The following ZNF888 variants were observed in gnomAD, a reference collection of about 807,000 sequenced individuals.
The protein encoded by ZNF888 is zinc finger protein 888.
A neutral mutation model predicts 7.2 loss-of-function variants in ZNF888; 5 were observed. The observed-to-expected ratio is 0.70, with a 90% CI of 0.36 to 1.46. The LOEUF (loss-of-function observed/expected upper bound fraction) is 1.46, where lower values mean the gene tolerates loss of function less well. Among genes scored for constraint, ZNF888 ranks in the 40% most tolerant of loss-of-function variants. The pLI, the probability that ZNF888 is intolerant of heterozygous loss-of-function variation, is 0.03. For synonymous variants in ZNF888, 240 were observed against 284.3 expected, an observed-to-expected ratio of 0.84 and a Z score of 1.57; for missense variants, 716 against 858.0, an observed-to-expected ratio of 0.83 and a Z score of 2.07.
At chr19:52,920,968 A>AAAC in intron 1 of ZNF888, among the ~76,000 whole-genome samples, 1 of 149,382 alleles carries the variant, frequency 6.7e-6, no homozygotes, top group Non-Finnish European at 1.5e-5. Context: ...AAAAAAAAAA[A>AAAC]TCTTCATTTC....
chr19:52,910,138 AG>A (rs2064659492), intron 4 of ZNF888, among the ~76,000 whole-genome samples: 3 of 135,042 alleles, frequency 2.2e-5, no homozygotes, highest in Non-Finnish European at 4.7e-5. Context: ...GACTAGAGCG[AG>A]ACTTCGTCTC....
chr19:52,909,464 T>C (rs1172806086), intron 4 of ZNF888, among the ~76,000 whole-genome samples: 1 of 151,864 alleles, frequency 6.6e-6, no homozygotes, highest in East Asian at 2.0e-4. Context: ...GCAAGGCTCG[T>C]CTCGAACTCC....
intron 4 of ZNF888, among the ~76,000 whole-genome samples, chr19:52,910,240 G>A (rs2064662400): frequency 6.6e-6 from 1 of 151,266 alleles, no homozygotes; most frequent in South Asian, 2.1e-4. Flanking sequence ...TGGAGGCTGA[G>A]GCAGGTGGAT....
At position 52,916,626 on chromosome 19, in the gene ZNF888, AT is replaced by A. The variant is rs1304233736; in HGVS notation, c.15+1232del. ...TACATATACATATACATATATATAT[AT>A]ATATATATATATATAGGTTTTAAAT... On this transcript the variant is annotated intron_variant, in intron 3 of 4. Coordinates refer to ENST00000638862, the MANE Select transcript of ZNF888 (RefSeq NM_001393938.1). Among the ~76,000 whole-genome samples the A allele has an allele frequency of 1.4e-4, 19 of 136,412 alleles. No individual in the cohort carries two copies. In the East Asian group the frequency reaches 4.0e-3, roughly 28 times the overall value. The allele number at this position is 136,412 out of a possible 152,430, so 89.5% of individuals were successfully genotyped here.
chr19:52,911,405 C>A, intron 4 of ZNF888, among the ~76,000 whole-genome samples: 1 of 150,376 alleles, frequency 6.6e-6, no homozygotes. Context: ...GTGGCATGAT[C>A]TCAGCTCACT....
intron 1 of ZNF888, among the ~76,000 whole-genome samples, chr19:52,922,694 T>C (rs896501355): frequency 3.3e-5 from 5 of 152,212 alleles, no homozygotes; most frequent in African/African-American, 1.2e-4. Flanking sequence ...ATTCCCTCTC[T>C]CTGTCTCCTG....
intron 4 of ZNF888, 28 bp from the exon 5 acceptor site, chr19:52,908,207 C>A (rs781155294): frequency 3.1e-6 from 5 of 1,595,142 alleles, no homozygotes; most frequent in Non-Finnish European, 4.3e-6. Context: ...CAATAGTTTT[C>A]CAATTCAGTA....
At position 52,906,694 on chromosome 19, in the gene ZNF888, A is replaced by G. The variant is rs755051783; in HGVS notation, c.1628T>C (p.Ile543Thr). The change falls in exon 5 of 5, where the codon ATT (isoleucine) becomes ACT (threonine). Residue 543 changes from isoleucine to threonine, a missense_variant. This residue lies in a region of ZNF888 where 697 missense variants were observed against 803.4 expected (regional missense o/e 0.87). Coordinates refer to ENST00000638862, the MANE Select transcript of ZNF888 (RefSeq NM_001393938.1). The stretch of plus-strand genomic sequence containing the variant: ...CTTGTAACGTTTCTCTCCAGTATGA[A>G]TGACCTTATGCATTACAAGAGATGA... ...QNSSLVMHKV[I>T]HTGEKRYKCN... The G allele has an allele frequency of 3.7e-5, 60 of 1,606,852 alleles. No individual in the cohort carries two copies. The highest frequency in any genetic ancestry group is 4.9e-5 in the Non-Finnish European group (58 of 1,175,144).
intron 4 of ZNF888, among the ~76,000 whole-genome samples, chr19:52,912,209 G>A (rs1162557200): frequency 6.7e-6 from 1 of 149,986 alleles, no homozygotes; most frequent in African/African-American, 2.5e-5. Context: ...CGCCTCCCGG[G>A]TTAGCGCCAT....
intron 1 of ZNF888, among the ~76,000 whole-genome samples, chr19:52,922,397 CACTCTG>C (rs1462404252): frequency 6.6e-6 from 1 of 152,080 alleles, no homozygotes; most frequent in Non-Finnish European, 1.5e-5. Context: ...CCACCAGCAC[CACTCTG>C]CTCTGTCTGC....
At chr19:52,910,149 CAAAAAAAAAAAAAAAA>C (rs71335690) in intron 4 of ZNF888, among the ~76,000 whole-genome samples, 2 of 83,908 alleles carry the variant, frequency 2.4e-5, no homozygotes, top group Non-Finnish European at 2.9e-5. Flanking sequence ...GACTTCGTCT[CAAAAAAAAAAAAAAAA>C]AAAAAAAAAA....
chr19:52,922,267 C>CTCTGTG (rs767166519), intron 1 of ZNF888, among the ~76,000 whole-genome samples: 15 of 17,378 alleles, frequency 8.6e-4, no homozygotes, highest in Non-Finnish European at 1.7e-3. Flanking sequence ...CTTCTCCCAT[C>CTCTGTG]TCTCCTGAGC....
Position 52,923,378 on chromosome 19 carries a change from G to A in ZNF888, c.-187C>T. Reference sequence around the variant, plus strand: ...ACAGAGCAAAACTCACCGCCGCAGTGTGACTTCCAGTCCACGCGATCCGCT... The same window carrying A: ...ACAGAGCAAAACTCACCGCCGCAGTATGACTTCCAGTCCACGCGATCCGCT... On this transcript the variant is annotated 5_prime_UTR_variant, in exon 1 of 5. Coordinates refer to ENST00000638862, the MANE Select transcript of ZNF888 (RefSeq NM_001393938.1). The A allele has an allele frequency of 2.0e-6, 2 of 985,830 alleles. No individual in the cohort carries two copies. The highest frequency in any genetic ancestry group is 1.2e-6 in the Non-Finnish European group (1 of 830,030). The allele number at this position is 985,830 out of a possible 1,614,324, so 61.1% of individuals were successfully genotyped here.
In ZNF888 at chr19:52,917,744, G is replaced by A. The variant is rs180743541; in HGVS notation, c.15+115C>T. ...AGGGACTGAGGGAAGGCATGGGTGA[G>A]TGTGAGCAAACCTGTCACGCAGGAT... is the stretch of plus-strand genomic sequence containing the variant. On this transcript the variant is annotated intron_variant, in intron 3 of 4. Coordinates refer to ENST00000638862, the MANE Select transcript of ZNF888 (RefSeq NM_001393938.1). 64 of 1,562,094 alleles carry A rather than the reference G, an allele frequency of 4.1e-5. No homozygotes were observed. In the Admixed American group the frequency reaches 5.5e-4, roughly 13 times the overall value.
intron 3 of ZNF888, 108 bp downstream of exon 3, chr19:52,917,751 C>A: frequency 6.3e-7 from 1 of 1,579,774 alleles, no homozygotes. Context: ...TGAGTGTGAG[C>A]AAACCTGTCA....
rs1249563510 is a variant in ZNF888, at chr19:52,906,589, T to C, written c.1733A>G (p.Tyr578Cys). ...HHRLHTGEKP[Y>C]KCNECGKVFR... ...AACCTTGCCACATTCATTACACTTG[T>C]AAGGTTTCTCTCCAGTATGAAGTCT... Residue 578 changes from tyrosine (Y) to cysteine (C), a missense_variant, in exon 5 of 5, where the codon TAC (tyrosine) becomes TGC (cysteine). Around this residue, in one of 2 missense-constraint regions of ZNF888, gnomAD observed 697 missense variants for 803.4 expected, o/e 0.87. Transcript: ENST00000638862. The C allele has an allele frequency of 6.2e-7, 1 of 1,613,872 alleles. No individual in the cohort carries two copies. Among genetic ancestry groups the C allele is most frequent in the Non-Finnish European group, 8.5e-7 (1 of 1,179,836 alleles).
In ZNF888 at chr19:52,906,236, C is replaced by T; in HGVS notation, c.2086G>A (p.Gly696Ser). Reference protein sequence around the residue: ...GEKPFKCSECGKAFRAQSTLI... With the variant: ...GEKPFKCSECSKAFRAQSTLI... ...GTTGACTGTGCACGAAAGGCTTTGCCACACTCACTACACTTGAAAGGTTTC... is the reference window on the plus strand; with the variant it reads ...GTTGACTGTGCACGAAAGGCTTTGCTACACTCACTACACTTGAAAGGTTTC... The change falls in exon 5 of 5, where the codon GGC (glycine) becomes AGC (serine). Residue 696 changes from glycine to serine, a missense_variant. By Grantham distance (56) the Gly-to-Ser change is moderately conservative. Coordinates refer to ENST00000638862, the MANE Select transcript of ZNF888 (RefSeq NM_001393938.1). The T allele has an allele frequency of 6.2e-7, 1 of 1,610,368 alleles. No homozygotes were observed. Among genetic ancestry groups the T allele is most frequent in the Non-Finnish European group, 8.5e-7 (1 of 1,177,932 alleles).
chr19:52,923,023 C>T (rs1364144440), intron 1 of ZNF888, among the ~76,000 whole-genome samples: 1 of 152,010 alleles, frequency 6.6e-6, no homozygotes, highest in Non-Finnish European at 1.5e-5. Flanking sequence ...CTCCAGGGGC[C>T]GACGAGGGTG....
In ZNF888 at chr19:52,908,080, A is replaced by C; in HGVS notation, c.242T>G (p.Ile81Ser). ...AATTTCCTGGAAGCAACATTCTCCA[A>C]TGTGATGACTTGCCAGTCTTTGCAA... is the stretch of plus-strand genomic sequence containing the variant. ...GTLQRLASHH[I>S]GECCFQEIEK... The change falls in exon 5 of 5, where the codon ATT becomes AGT. Residue 81 changes from isoleucine (I) to serine (S), a missense_variant. Transcript: ENST00000638862. 1 of 1,614,148 alleles carries C rather than the reference A, an allele frequency of 6.2e-7. No homozygotes were observed. Among genetic ancestry groups the C allele is most frequent in the African/African-American group, 1.3e-5 (1 of 75,056 alleles).
Sources: allele counts gnomAD v4.1 joint callset (sites outside exome capture counted in the v4.1 genomes callset), GRCh38; gene constraint gnomAD v4.1.1; regional missense constraint gnomAD v4.1.1; transcripts MANE v1.5; gene names NCBI Gene and HGNC (gene_info 2026-07-23, HGNC 2026-07-21).